The following CCNB2 variants were observed in gnomAD, a reference collection of about 807,000 sequenced individuals.
CCNB2 encodes cyclin B2.
Under a neutral mutation model 51.1 loss-of-function variants are expected in CCNB2, and 39 were observed. That is an observed-to-expected ratio of 0.76 (90% CI 0.59 to 1.00). The LOEUF (loss-of-function observed/expected upper bound fraction) is 1.00. Among genes scored for constraint, CCNB2 ranks in the 50% least tolerant of loss-of-function variants. The pLI is 0.00. For missense variants in CCNB2, 472 were observed against 470.3 expected, an observed-to-expected ratio of 1.00 and a Z score of -0.03; for synonymous variants, 174 against 165.5, an observed-to-expected ratio of 1.05 and a Z score of -0.40.
intron 8 of CCNB2, 83 bp downstream of exon 8, chr15:59,123,710 T>C: frequency 1.4e-6 from 1 of 704,810 alleles, no homozygotes. Context: ...GGGCGGTGTG[T>C]GCCGTCATGT....
At chr15:59,112,414 C>T (rs529297684) in intron 3 of CCNB2, among the ~76,000 whole-genome samples, 2 of 151,354 alleles carry the variant, frequency 1.3e-5, no homozygotes, top group Non-Finnish European at 2.9e-5. Flanking sequence ...GTGTGATCTC[C>T]GCTCACTGCA....
intron 7 of CCNB2, among the ~76,000 whole-genome samples, chr15:59,120,228 G>A (rs188991767): frequency 1.3e-5 from 2 of 152,292 alleles, no homozygotes; most frequent in Non-Finnish European, 2.9e-5. Context: ...GCTGTTTAGT[G>A]AAATTGCTGA....
chr15:59,121,350 G>A (rs1181663668), intron 7 of CCNB2: 2 of 152,124 alleles, frequency 1.3e-5, no homozygotes, highest in African/African-American at 4.8e-5. Flanking sequence ...AATGTCACTG[G>A]TACATGGTAC....
At chr15:59,120,962 T>C (rs1337848621) in intron 7 of CCNB2, 2 of 152,180 alleles carry the variant, frequency 1.3e-5, no homozygotes, top group African/African-American at 4.8e-5. Context: ...CCCAAAATGT[T>C]TGACATGAAT....
chr15:59,105,621 A>T (rs764358834), intron 1 of CCNB2, among the ~76,000 whole-genome samples: 1 of 152,156 alleles, frequency 6.6e-6, no homozygotes. Flanking sequence ...CTTCATTGCT[A>T]GAGAGTTATC....
intron 1 of CCNB2, among the ~76,000 whole-genome samples, 197 bp from the exon 2 acceptor site, chr15:59,107,125 G>C (rs1392451248): frequency 6.6e-6 from 1 of 152,126 alleles, no homozygotes; most frequent in African/African-American, 2.4e-5. Context: ...AAAGTAGATG[G>C]GTGATTTGCC....
chr15:59,107,623 C>A lies in CCNB2; in HGVS notation c.220C>A (p.Pro74Thr). Residue 74 changes from proline (P) to threonine (T), a missense_variant, in exon 3 of 9, where the codon CCT becomes ACT. Pro to Thr is a conservative substitution (Grantham distance 38, BLOSUM62 -1). Coordinates refer to ENST00000288207, the MANE Select transcript of CCNB2 (RefSeq NM_004701.4). Reference protein sequence around the residue: ...KTTNVNKQLKPTASVKPVQME... With the variant: ...KTTNVNKQLKTTASVKPVQME... The stretch of plus-strand genomic sequence containing the variant: ...AACAAATGTCAACAAACAACTGAAA[C>A]CTACTGCTTCTGTCAAACCAGTACA... 6.2e-7 allele frequency: 1 copy of A among 1,614,172 alleles called. No homozygotes were observed. Among genetic ancestry groups the A allele is most frequent in the Non-Finnish European group, 8.5e-7 (1 of 1,180,038 alleles).
At chr15:59,116,963 T>C (rs2079281841) in intron 6 of CCNB2, 37 bp downstream of exon 6, 1 of 1,517,258 alleles carries the variant, frequency 6.6e-7, no homozygotes, top group African/African-American at 1.4e-5. Flanking sequence ...CTATTTTTGC[T>C]TGGTGTCTCA....
At chr15:59,107,301 A>AG in intron 1 of CCNB2, 21 bp from the exon 2 acceptor site, 1 of 1,420,134 alleles carries the variant, frequency 7.0e-7, no homozygotes, top group Non-Finnish European at 9.5e-7. Context: ...AGGTTTCATT[A>AG]CTTTTTTTTT....
intron 3 of CCNB2, 52 bp downstream of exon 3, chr15:59,107,722 C>T: frequency 7.2e-7 from 1 of 1,394,676 alleles, no homozygotes; most frequent in Non-Finnish European, 1.0e-6. Context: ...CTGTTTTTAG[C>T]CAGACTACAA....
chr15:59,111,799 A>G (rs2079258203), intron 3 of CCNB2, among the ~76,000 whole-genome samples: 1 of 148,858 alleles, frequency 6.7e-6, no homozygotes, highest in South Asian at 2.1e-4. Flanking sequence ...CATTTGTTCT[A>G]GCTCCTTGAG....
At chr15:59,105,488 C>T (rs967246328) in intron 1 of CCNB2, among the ~76,000 whole-genome samples, 196 bp downstream of exon 1, 1 of 152,212 alleles carries the variant, frequency 6.6e-6, no homozygotes, top group African/African-American at 2.4e-5. Context: ...TGGATTCCGC[C>T]CTCCCCTAAC....
intron 7 of CCNB2, among the ~76,000 whole-genome samples, chr15:59,122,023 T>A (rs1596333153): frequency 7.7e-6 from 1 of 130,044 alleles, no homozygotes; most frequent in Non-Finnish European, 1.6e-5. Flanking sequence ...GAGGTTGAGG[T>A]GGGAGGATCA....
At chr15:59,115,373 G>A (rs558628659) in intron 5 of CCNB2, among the ~76,000 whole-genome samples, 1 of 152,206 alleles carries the variant, frequency 6.6e-6, no homozygotes, top group African/African-American at 2.4e-5. Context: ...AAAGGAGCAG[G>A]GGTTGTGTGT....
intron 5 of CCNB2, among the ~76,000 whole-genome samples, chr15:59,115,374 G>T (rs2079274827): frequency 6.6e-6 from 1 of 152,070 alleles, no homozygotes. Flanking sequence ...AAGGAGCAGG[G>T]GTTGTGTGTG....
At chr15:59,107,536 C>G (rs765713696) in intron 2 of CCNB2, 21 bp from the exon 3 acceptor site, 1 of 1,613,800 alleles carries the variant, frequency 6.2e-7, no homozygotes, top group Non-Finnish European at 8.5e-7. Context: ...TTGCGCTATT[C>G]ATGTTTCTTT....
intron 1 of CCNB2, among the ~76,000 whole-genome samples, chr15:59,105,722 A>T (rs1268645946): frequency 2.6e-5 from 4 of 152,228 alleles, no homozygotes; most frequent in African/African-American, 9.6e-5. Context: ...GAGGACTGGA[A>T]GGGTTCTGTA....
At chr15:59,109,918 C>T (rs894848005) in intron 3 of CCNB2, among the ~76,000 whole-genome samples, 34 of 151,984 alleles carry the variant, frequency 2.2e-4, no homozygotes, top group African/African-American at 2.7e-4. Context: ...CCCTGGGGGC[C>T]GGAGCCTGCA....
At position 59,116,940 on chromosome 15, in the gene CCNB2, G is replaced by C; in HGVS notation, c.834+14G>C. 6.3e-7 allele frequency: 1 copy of C among 1,586,296 alleles called. No individual in the cohort carries two copies. The highest frequency in any genetic ancestry group is 8.7e-7 in the Non-Finnish European group (1 of 1,155,720). On this transcript the variant is annotated intron_variant, in intron 6 of 8. Coordinates refer to ENST00000288207, the MANE Select transcript of CCNB2 (RefSeq NM_004701.4). ...AAAGCCGGGGAGGTAAGTGCCTCCA[G>C]CTCTGTAAGAGACTATTTTTGCTTG...
Sources: gnomAD v4.1 joint callset for allele counts (sites outside exome capture counted in the v4.1 genomes callset) on GRCh38, gnomAD v4.1.1 for gene constraint, MANE v1.5 for transcripts, NCBI Gene and HGNC (gene_info 2026-07-23, HGNC 2026-07-21) for gene names.